THSD4: variants seen among roughly 807,000 people sequenced by gnomAD.
THSD4 encodes the protein thrombospondin type-1 domain-containing protein 4.
THSD4 carries 69 observed loss-of-function variants against 119.0 expected under a neutral mutation model. That is an observed-to-expected ratio of 0.58 (90% CI 0.48 to 0.71). THSD4 has a LOEUF of 0.71. THSD4 is among the 30% of genes least tolerant of loss of function. THSD4 has a pLI of 0.00. For missense variants in THSD4, 1,393 were observed against 1,391.1 expected, an observed-to-expected ratio of 1.00 and a Z score of -0.02; for synonymous variants, 524 against 540.4, an observed-to-expected ratio of 0.97 and a Z score of 0.42.
At chr15:71,265,772 G>C (rs1421480460) in intron 6 of THSD4, among the ~76,000 whole-genome samples, 1 of 152,170 alleles carries the variant, frequency 6.6e-6, no homozygotes, top group African/African-American at 2.4e-5. Context: ...TTGTGGGGGG[G>C]GAGGGGCATC....
chr15:71,338,910 G>A (rs1273659397), intron 6 of THSD4, among the ~76,000 whole-genome samples: 1 of 152,122 alleles, frequency 6.6e-6, no homozygotes, highest in East Asian at 1.9e-4. Context: ...GGAGTTCTGG[G>A]GCTGTCAGTG....
rs549072172 is a variant in THSD4, at chr15:71,195,108, T to A, written c.100-19927T>A. Among the ~76,000 whole-genome samples the A allele has an allele frequency of 5.9e-5, 9 of 152,308 alleles. No homozygotes were observed. In the South Asian group the frequency reaches 1.7e-3, roughly 28 times the overall value. ...TGGGCAAGGCCTCGTGTTAATTCAT[T>A]GTAGAGGGTAGAAAAGCAATAATGT... On this transcript the variant is annotated intron_variant, in intron 3 of 17. Transcript: ENST00000261862.
chr15:71,122,499 T>A (rs551944186), intron 1 of THSD4, among the ~76,000 whole-genome samples: 1 of 152,324 alleles, frequency 6.6e-6, no homozygotes, highest in South Asian at 2.1e-4. Flanking sequence ...CTCAGCCTCT[T>A]ACAGGATGCT....
chr15:71,138,980 C>T (rs1030001175), intron 1 of THSD4, among the ~76,000 whole-genome samples: 1 of 150,854 alleles, frequency 6.6e-6, no homozygotes, highest in East Asian at 2.0e-4. Flanking sequence ...TCCCTCCCCC[C>T]CCCATTTTAC....
chr15:71,455,012 C>G (rs1315650967), intron 7 of THSD4, among the ~76,000 whole-genome samples: 1 of 152,206 alleles, frequency 6.6e-6, no homozygotes, highest in Non-Finnish European at 1.5e-5. Flanking sequence ...CTCTCCCTTC[C>G]TATGCCCACC....
At position 71,731,184 on chromosome 15, in the gene THSD4, A is replaced by G. The variant is rs775015397; in HGVS notation, c.1597A>G (p.Ile533Val). Residue 533 changes from isoleucine to valine, a missense_variant, in exon 10 of 18, where the codon ATC becomes GTC. Coordinates refer to ENST00000261862, the MANE Select transcript of THSD4 (RefSeq NM_024817.3). The stretch of plus-strand genomic sequence containing the variant: ...GTACGTGATCATGGGGACCAACGCC[A>G]TCAGCCCCCAGGTGCCACCCCACAG... ...YEYVIMGTNA[I>V]SPQVPPHRRP... The G allele has an allele frequency of 1.9e-6, 3 of 1,614,070 alleles. No individual in the cohort carries two copies. The highest frequency in any genetic ancestry group is 2.2e-5 in the South Asian group (2 of 91,084).
chr15:71,599,579 G>C (rs999459050), intron 7 of THSD4, among the ~76,000 whole-genome samples: 2 of 152,190 alleles, frequency 1.3e-5, no homozygotes, highest in Admixed American at 6.5e-5. Context: ...CTTAAACCAG[G>C]AATGCTGCCC....
At chr15:71,309,458 TTTC>T (rs1193200507) in intron 6 of THSD4, among the ~76,000 whole-genome samples, 1 of 152,248 alleles carries the variant, frequency 6.6e-6, no homozygotes, top group Non-Finnish European at 1.5e-5. Context: ...GTCTCTTCAC[TTTC>T]TTAATAGTGT....
intron 8 of THSD4, among the ~76,000 whole-genome samples, chr15:71,696,061 T>C (rs988271257): frequency 4.6e-5 from 7 of 152,244 alleles, no homozygotes; most frequent in Non-Finnish European, 8.8e-5. Flanking sequence ...TTTACTAGTA[T>C]TATATAAAGT....
Position 71,608,237 on chromosome 15 carries a change from A to ATATAT in THSD4, c.1153-52293_1153-52292insTATAT, listed in dbSNP as rs1555431558. 1.8e-3 allele frequency among the ~76,000 whole-genome samples: 204 copies of ATATAT among 111,574 alleles called. 3 individuals are homozygous for ATATAT. The East Asian group carries it at 0.029, about 16-fold the overall frequency. The allele number at this position is 111,574 out of a possible 152,430, so 73.2% of individuals were successfully genotyped here. A position where few individuals can be genotyped will look rare whatever the true frequency, so the allele number is the denominator to read the frequency against. On this transcript the variant is annotated intron_variant, in intron 7 of 17. Coordinates refer to ENST00000261862, the MANE Select transcript of THSD4 (RefSeq NM_024817.3). ...AACTCTGTCTCAAAAAAAAAAAAAA[A>ATATAT]ATATATATATATACACACACACACA... is the stretch of plus-strand genomic sequence containing the variant.
chr15:71,302,041 G>A (rs2044956967), intron 6 of THSD4, among the ~76,000 whole-genome samples: 1 of 152,194 alleles, frequency 6.6e-6, no homozygotes, highest in South Asian at 2.1e-4. Flanking sequence ...AGCAAGCTTA[G>A]GGTTGGTTTA....
At position 71,491,317 on chromosome 15, in the gene THSD4, G is replaced by C. The variant is rs77467698; in HGVS notation, c.1152+79494G>C. Among the ~76,000 whole-genome samples the C allele has an allele frequency of 4.7e-3, 718 of 152,302 alleles. 4 individuals are homozygous for C. The highest frequency in any genetic ancestry group is 0.016 in the African/African-American group (656 of 41,574). ...TCATGTTGAAATGTTTTTCCCCGTT[G>C]TTACAGTATTTAGAGGGTGGGATAT... On this transcript the variant is annotated intron_variant, in intron 7 of 17. Coordinates refer to ENST00000261862, the MANE Select transcript of THSD4 (RefSeq NM_024817.3).
At chr15:71,567,621 CAT>C (rs1457719805) in intron 7 of THSD4, among the ~76,000 whole-genome samples, 3 of 150,314 alleles carry the variant, frequency 2.0e-5, no homozygotes, top group Admixed American at 6.6e-5. Flanking sequence ...CACACACACA[CAT>C]GAAAGAGAGT....
At chr15:71,199,618 TGGGTGTGTG>T (rs2043759092) in intron 3 of THSD4, among the ~76,000 whole-genome samples, 1 of 105,806 alleles carries the variant, frequency 9.5e-6, no homozygotes, top group Admixed American at 8.7e-5. Context: ...GTGTGGTGTG[TGGGTGTGTG>T]GTGTGTGTGG....
intron 6 of THSD4, among the ~76,000 whole-genome samples, chr15:71,347,946 GTAA>G (rs2045688745): frequency 6.6e-6 from 1 of 152,108 alleles, no homozygotes; most frequent in Non-Finnish European, 1.5e-5. Flanking sequence ...AACAATTTCA[GTAA>G]TCTTACCCTC....
rs536676633 is a variant in THSD4, at chr15:71,628,072, A to C, written c.1153-32458A>C. Among the ~76,000 whole-genome samples, 3 of 152,318 alleles carry C rather than the reference A, an allele frequency of 2.0e-5. No homozygotes were observed. In the South Asian group the frequency reaches 6.2e-4, roughly 32 times the overall value. ...AGTAGGATCACCTGGGAAACATTCA[A>C]CAAGTTATCATGGCCAGGCCTGTGC... On this transcript the variant is annotated intron_variant, in intron 7 of 17. Transcript: ENST00000261862.
chr15:71,737,578 G>A (rs1432472549), intron 10 of THSD4, among the ~76,000 whole-genome samples, 154 bp from the exon 11 acceptor site: 2 of 152,232 alleles, frequency 1.3e-5, no homozygotes, highest in Non-Finnish European at 2.9e-5. Context: ...GAAAGCACTA[G>A]TAGGTGTCTG....
intron 4 of THSD4, among the ~76,000 whole-genome samples, chr15:71,233,353 A>G (rs563191261): frequency 4.6e-5 from 7 of 152,330 alleles, no homozygotes; most frequent in African/African-American, 1.7e-4. Context: ...GTCTGCTTCA[A>G]CTGAGCCTCA....
intron 6 of THSD4, among the ~76,000 whole-genome samples, chr15:71,353,836 G>C (rs1443054804): frequency 6.6e-6 from 1 of 152,226 alleles, no homozygotes; most frequent in Non-Finnish European, 1.5e-5. Context: ...CTGTTCGTGT[G>C]ACCTCTGAGC....
Sources: gnomAD v4.1 joint callset for allele counts (sites outside exome capture counted in the v4.1 genomes callset) on GRCh38, gnomAD v4.1.1 for gene constraint, MANE v1.5 for transcripts, NCBI Gene and HGNC (gene_info 2026-07-23, HGNC 2026-07-21) for gene names.